NOTCH1: variants seen among roughly 807,000 people sequenced by gnomAD.
The protein encoded by NOTCH1 is notch receptor 1.
A neutral mutation model predicts 254.8 loss-of-function variants in NOTCH1; 37 were observed. The ratio of observed to expected loss-of-function variants is 0.15; its 90% confidence interval spans 0.11 to 0.19. NOTCH1 has a LOEUF of 0.19. Ranked by LOEUF, NOTCH1 falls within the 10% of genes least tolerant of loss-of-function variation. The pLI is 1.00. For synonymous variants in NOTCH1, 1,731 were observed against 1,618.1 expected, an observed-to-expected ratio of 1.07 and a Z score of -1.68; for missense variants, 2,972 against 3,708.6, an observed-to-expected ratio of 0.80 and a Z score of 5.16.
At position 136,497,250 on chromosome 9, in the gene NOTCH1, G is replaced by C. The variant is rs2133318304; in HGVS notation, c.6489C>G (p.Ser2163Arg). The change falls in exon 34 of 34, where the codon AGC becomes AGG. Residue 2163 changes from serine to arginine, a missense_variant. Physicochemically the swap from Ser to Arg is moderately radical, Grantham distance 110. Around this residue, in one of 8 missense-constraint regions of NOTCH1, gnomAD observed 529 missense variants for 529.2 expected, o/e 1.00. Coordinates refer to ENST00000651671, the MANE Select transcript of NOTCH1 (RefSeq NM_017617.5). ...CCTTGCTTCCACAGGCCAGGCCTTT[G>C]CTGCTGGGCTTGCGGACCTTCTTGC... ...VQGKKVRKPS[S>R]KGLACGSKEA... 1 of 1,612,072 alleles carries C rather than the reference G, an allele frequency of 6.2e-7. No individual in the cohort carries two copies. Among genetic ancestry groups the C allele is most frequent in the Non-Finnish European group, 8.5e-7 (1 of 1,179,920 alleles).
Position 136,496,528 on chromosome 9 carries a change from T to C in NOTCH1, c.7211A>G (p.Gln2404Arg), listed in dbSNP as rs1222385004. The C allele has an allele frequency of 6.2e-7, 1 of 1,606,550 alleles. No homozygotes were observed. The highest frequency in any genetic ancestry group is 1.1e-5 in the South Asian group (1 of 91,092). ...TGGTGGCGGCTGCAGGCTTTGCTGC[T>C]GCTGGATGTTTGCTGGCTGCAGGTT... ...QQNLQPANIQ[Q>R]QQSLQPPPPP... The change falls in exon 34 of 34, where the codon CAG becomes CGG. Residue 2404 changes from glutamine (Q) to arginine (R), a missense_variant. Gln to Arg is a conservative substitution (Grantham distance 43). Transcript: ENST00000651671.
chr9:136,502,406 C>A lies in NOTCH1; in HGVS notation c.5250G>T (p.Val1750=), dbSNP rs1843012410. 1 of 1,611,696 alleles carries A rather than the reference C, an allele frequency of 6.2e-7. No individual in the cohort carries two copies. Among genetic ancestry groups the A allele is most frequent in the Non-Finnish European group, 8.5e-7 (1 of 1,179,592 alleles). Residue 1750 remains valine, a synonymous_variant, in exon 28 of 34, where the codon GTG becomes GTT. Transcript: ENST00000651671. The stretch of plus-strand genomic sequence containing the variant: ...TGCGGGACAGCAGCACCCCGCAGCC[C>A]ACGAAGAACAGAAGCACAAAGGCGG... ...AAAAFVLLFF[V]GCGVLLSRKR... is the part of the protein sequence containing the mutation.
chr9:136,522,124 C>T (rs1417248244), intron 4 of NOTCH1, among the ~76,000 whole-genome samples: 3 of 151,928 alleles, frequency 2.0e-5, no homozygotes, highest in African/African-American at 7.3e-5. Flanking sequence ...ACTACAGGCG[C>T]GTGCCACCAT....
chr9:136,502,731 A>G (rs1164466577), intron 27 of NOTCH1: 1 of 572,790 alleles, frequency 1.7e-6, no homozygotes, highest in African/African-American at 1.9e-5. Context: ...TTCTCCTTTA[A>G]GGAAGGAGGA....
Position 136,532,764 on chromosome 9 carries a change from C to T in NOTCH1, c.141-8785G>A, listed in dbSNP as rs982280555. 5.3e-5 allele frequency among the ~76,000 whole-genome samples: 8 copies of T among 152,344 alleles called. No homozygotes were observed. The East Asian group carries it at 5.8e-4, about 11-fold the overall frequency. On this transcript the variant is annotated intron_variant, in intron 2 of 33. Transcript: ENST00000651671. ...GGAGGGGAGCTCAGAGAGGTGGTGG[C>T]GGCCCGGGGTCGCACGGCCCACGTG...
At chr9:136,534,588 T>C (rs865996451) in intron 2 of NOTCH1, among the ~76,000 whole-genome samples, 12 of 152,204 alleles carry the variant, frequency 7.9e-5, no homozygotes, top group African/African-American at 2.9e-4. Flanking sequence ...CCCGTGCAAG[T>C]GAGGCCGGGT....
At chr9:136,537,853 G>C (rs1259739242) in intron 2 of NOTCH1, among the ~76,000 whole-genome samples, 1 of 152,200 alleles carries the variant, frequency 6.6e-6, no homozygotes, top group Non-Finnish European at 1.5e-5. Flanking sequence ...AGCACTTTGA[G>C]AGGCCAAGGC....
chr9:136,510,444 G>C (rs1250214502), intron 17 of NOTCH1: 1 of 640,470 alleles, frequency 1.6e-6, no homozygotes, highest in Non-Finnish European at 2.7e-6. Context: ...ACTCTTCCGC[G>C]AAGTGCAGGG....
In NOTCH1 at chr9:136,506,642, AG is replaced by A; in HGVS notation, c.3902-4del. On this transcript the variant is annotated splice_region_variant and splice_polypyrimidine_tract_variant and intron_variant, in intron 23 of 33. Coordinates refer to ENST00000651671, the MANE Select transcript of NOTCH1 (RefSeq NM_017617.5). The surrounding 1 kb of genome is among the most constrained non-coding windows in gnomAD (Gnocchi z 4.5). The stretch of plus-strand genomic sequence containing the variant: ...GATGACGGACTCGCAGCGGCGCCCT[AG>A]GGGTAAGAGCAGGGCAGTGAGAGGC... 1 of 1,604,292 alleles carries A rather than the reference AG, an allele frequency of 6.2e-7. No individual in the cohort carries two copies. Among genetic ancestry groups the A allele is most frequent in the Non-Finnish European group, 8.5e-7 (1 of 1,176,258 alleles).
chr9:136,519,905 G>A (rs760440843), intron 4 of NOTCH1, among the ~76,000 whole-genome samples: 6 of 152,226 alleles, frequency 3.9e-5, no homozygotes, highest in African/African-American at 9.6e-5. Flanking sequence ...GTCTCCACAG[G>A]GGGGCCGCAC....
rs922586516 is a variant in NOTCH1 at position 136,545,325 on chromosome 9, T to A, written c.61+401A>T. On this transcript the variant is annotated intron_variant, in intron 1 of 33. Transcript: ENST00000651671. This position sits in a 1 kb window ranked among gnomAD's most constrained non-coding sequence, Gnocchi z 6.8. ...GGCCAGAGGCGAAGAAGAAAGAAGA[T>A]AAATGGCCCGGAGAAGCAACAGGAA... Among the ~76,000 whole-genome samples, 2 of 149,978 alleles carry A rather than the reference T, an allele frequency of 1.3e-5. No homozygotes were observed. Among genetic ancestry groups the A allele is most frequent in the East Asian group, 4.1e-4 (2 of 4,854 alleles).
chr9:136,526,198 G>A (rs1189632442), intron 2 of NOTCH1, among the ~76,000 whole-genome samples: 3 of 152,250 alleles, frequency 2.0e-5, no homozygotes, highest in African/African-American at 4.8e-5. Context: ...GCCGGTCCCC[G>A]AGGTGGAGCG....
chr9:136,533,870 G>A (rs1193292726), intron 2 of NOTCH1, among the ~76,000 whole-genome samples: 3 of 152,268 alleles, frequency 2.0e-5, no homozygotes, highest in South Asian at 2.1e-4. Flanking sequence ...TGAGGGACGC[G>A]CCAGTTTCCT....
In NOTCH1 at chr9:136,501,888, T is replaced by G. The variant is rs2133329217; in HGVS notation, c.5498A>C (p.Asp1833Ala). The part of the protein sequence containing the change: ...FRFEEPVVLP[D>A]LDDQTDHRQW... Reference sequence around the variant, plus strand: ...CCGGTGGTCTGTCTGGTCGTCCAGGTCAGGCAGAACCACGGGCTCCTCGAA... The same window carrying G: ...CCGGTGGTCTGTCTGGTCGTCCAGGGCAGGCAGAACCACGGGCTCCTCGAA... The change falls in exon 30 of 34, where the codon GAC (aspartate) becomes GCC (alanine). Residue 1833 changes from aspartate to alanine, a missense_variant. Asp to Ala is a moderately radical substitution (Grantham distance 126). This residue lies in a region of NOTCH1 where 421 missense variants were observed against 604.4 expected (regional missense o/e 0.70). Coordinates refer to ENST00000651671, the MANE Select transcript of NOTCH1 (RefSeq NM_017617.5). 1.9e-6 allele frequency: 3 copies of G among 1,612,070 alleles called. No individual in the cohort carries two copies. Among genetic ancestry groups the G allele is most frequent in the Non-Finnish European group, 2.5e-6 (3 of 1,179,948 alleles).
In NOTCH1 at chr9:136,509,589, T is replaced by C. The variant is rs947601213; in HGVS notation, c.2969+144A>G. The stretch of plus-strand genomic sequence containing the variant: ...TCTCAGGAGGGACAGGTCGGTACAA[T>C]GAACAATGTCTGGACTCAATGCAGC... On this transcript the variant is annotated intron_variant, in intron 18 of 33. Transcript: ENST00000651671. 16 of 753,256 alleles carry C rather than the reference T, an allele frequency of 2.1e-5. No individual in the cohort carries two copies. The Admixed American group carries it at 3.2e-4, about 15-fold the overall frequency. 46.7% of individuals were successfully genotyped at this position (753,256 alleles called of 1,614,324 possible). A position where few individuals can be genotyped will look rare whatever the true frequency, so the allele number is the denominator to read the frequency against.
rs370722609 is a variant in NOTCH1 at position 136,496,460 on chromosome 9, C to T, written c.7279G>A (p.Gly2427Ser). 2.4e-5 allele frequency: 39 copies of T among 1,600,530 alleles called. No homozygotes were observed. The highest frequency in any genetic ancestry group is 3.1e-5 in the Non-Finnish European group (37 of 1,179,882). Residue 2427 changes from glycine (G) to serine (S), a missense_variant, in exon 34 of 34, where the codon GGC (glycine) becomes AGC (serine). Gly to Ser is a moderately conservative substitution (Grantham distance 56). Coordinates refer to ENST00000651671, the MANE Select transcript of NOTCH1 (RefSeq NM_017617.5). ...PHLGVSSAAS[G>S]HLGRSFLSGE... ...CTCAGGAAGCTCCGGCCCAGGTGGCCGCTGGCTGCTGAGCTCACGCCAAGG... is the reference window on the plus strand; with the variant it reads ...CTCAGGAAGCTCCGGCCCAGGTGGCTGCTGGCTGCTGAGCTCACGCCAAGG...
In NOTCH1 at chr9:136,500,714, T is replaced by G; in HGVS notation, c.5772A>C (p.Thr1924=). 11 of 1,609,506 alleles carry G rather than the reference T, an allele frequency of 6.8e-6. No homozygotes were observed. Among genetic ancestry groups the G allele is most frequent in the Non-Finnish European group, 9.3e-6 (11 of 1,179,898 alleles). ...GCAAGGCGGTCTCGCCCGTGCGGTC[T>G]GTCTGGTTGTGCAGGCTGGCGCCCT... The part of the protein sequence containing the change: ...IYQGASLHNQ[T]DRTGETALHL... Residue 1924 remains threonine (T), a synonymous_variant, in exon 31 of 34, where the codon ACA becomes ACC. Coordinates refer to ENST00000651671, the MANE Select transcript of NOTCH1 (RefSeq NM_017617.5).
chr9:136,541,807 C>T (rs771474412), intron 2 of NOTCH1, among the ~76,000 whole-genome samples: 1 of 152,244 alleles, frequency 6.6e-6, no homozygotes, highest in South Asian at 2.1e-4. Flanking sequence ...TCCAACTCTG[C>T]GGCCCAGAAG....
rs2133337396 is a variant in NOTCH1 at position 136,505,001 on chromosome 9, G to C, written c.4690C>G (p.His1564Asp). Reference sequence around the variant, plus strand: ...CCGGCCGCCAGCCTCTCGGGTACATGCTCCGCACAGTCCAGCCCGTCCCAC... The same window carrying C: ...CCGGCCGCCAGCCTCTCGGGTACATCCTCCGCACAGTCCAGCCCGTCCCAC... ...CEWDGLDCAE[H>D]VPERLAAGTL... Residue 1564 changes from histidine (H) to aspartate (D), a missense_variant, in exon 26 of 34, where the codon CAT becomes GAT. By Grantham distance (81) the His-to-Asp change is moderately conservative. Around this residue, in one of 8 missense-constraint regions of NOTCH1, gnomAD observed 1,343 missense variants for 1,557.0 expected, o/e 0.86. Coordinates refer to ENST00000651671, the MANE Select transcript of NOTCH1 (RefSeq NM_017617.5). 6.2e-7 allele frequency: 1 copy of C among 1,600,948 alleles called. No homozygotes were observed. The highest frequency in any genetic ancestry group is 2.3e-5 in the East Asian group (1 of 44,338).
Sources: gnomAD v4.1 joint callset for allele counts (sites outside exome capture counted in the v4.1 genomes callset) on GRCh38, gnomAD v4.1.1 for gene constraint, gnomAD v4.1.1 regional missense constraint, Gnocchi (gnomAD v3.1) non-coding constraint, MANE v1.5 for transcripts, NCBI Gene and HGNC (gene_info 2026-07-23, HGNC 2026-07-21) for gene names.